The following DAB1 variants were observed in gnomAD, a reference collection of about 807,000 sequenced individuals.
The protein encoded by DAB1 is DAB adaptor protein 1, also known as disabled homolog 1.
DAB1 carries 15 observed loss-of-function variants against 64.6 expected under a neutral mutation model. The ratio of observed to expected loss-of-function variants is 0.23; its 90% CI spans 0.16 to 0.36. The LOEUF (loss-of-function observed/expected upper bound fraction) is 0.36, where lower values mean the gene tolerates loss of function less well. Ranked by LOEUF, DAB1 falls within the 10% of genes least tolerant of loss-of-function variation. The pLI, the probability that DAB1 is intolerant of heterozygous loss-of-function variation, is 1.00. For missense variants in DAB1, 596 were observed against 706.7 expected (o/e 0.84, Z 1.78); for synonymous variants, 235 against 251.9 (o/e 0.93, Z 0.64).
intron 3 of DAB1, among the ~76,000 whole-genome samples, chr1:58,370,069 C>T (rs1196148807): frequency 1.3e-5 from 2 of 152,092 alleles, no homozygotes; most frequent in African/African-American, 4.8e-5. Flanking sequence ...AGAGATATGC[C>T]TCAGGCAAAT....
At chr1:57,784,155 G>A (rs953164164) in intron 6 of DAB1, among the ~76,000 whole-genome samples, 12 of 152,296 alleles carry the variant, frequency 7.9e-5, no homozygotes, top group East Asian at 3.9e-4. Context: ...GCTTGAGCTC[G>A]AACTGGAGGC....
intron 7 of DAB1, among the ~76,000 whole-genome samples, chr1:57,577,379 T>C (rs1645262432): frequency 1.3e-5 from 2 of 151,426 alleles, no homozygotes; most frequent in Non-Finnish European, 2.9e-5. Context: ...CTGGGACCTC[T>C]AACCCTCGTG....
intron 1 of DAB1, among the ~76,000 whole-genome samples, chr1:57,354,261 T>C (rs933893528): frequency 2.0e-5 from 3 of 152,118 alleles, no homozygotes; most frequent in African/African-American, 7.2e-5. Context: ...CTGACATTCC[T>C]AGCATCATAT....
chr1:58,516,359 G>C (rs1557449254), intron 2 of DAB1, among the ~76,000 whole-genome samples: 1 of 152,148 alleles, frequency 6.6e-6, no homozygotes, highest in Non-Finnish European at 1.5e-5. Context: ...ACTGCAAAGT[G>C]TCAAAAGCTC....
chr1:58,316,403 AGAG>A (rs1288790194), intron 4 of DAB1, among the ~76,000 whole-genome samples: 1 of 152,194 alleles, frequency 6.6e-6, no homozygotes, highest in Non-Finnish European at 1.5e-5. Context: ...GCAAGGAAAC[AGAG>A]TCTAAGTTCA....
chr1:58,179,037 G>A (rs545522396), intron 4 of DAB1, among the ~76,000 whole-genome samples: 1 of 152,224 alleles, frequency 6.6e-6, no homozygotes, highest in East Asian at 1.9e-4. Context: ...AGTTTTTGTA[G>A]TAAATGGGTG....
At chr1:57,158,021 T>A (rs962377109) in intron 2 of DAB1, among the ~76,000 whole-genome samples, 1 of 152,188 alleles carries the variant, frequency 6.6e-6, no homozygotes, top group African/African-American at 2.4e-5. Context: ...CACATTTAAA[T>A]CACGGTATGC....
intron 12 of DAB1, 29 bp from the exon 13 acceptor site, chr1:57,011,301 T>C (rs1250966520): frequency 1.2e-6 from 2 of 1,606,256 alleles, no homozygotes; most frequent in African/African-American, 2.7e-5. Flanking sequence ...AAAAGAGACA[T>C]CTTAAGTGCC....
At chr1:57,801,761 G>A (rs560396767) in intron 6 of DAB1, among the ~76,000 whole-genome samples, 7 of 152,058 alleles carry the variant, frequency 4.6e-5, no homozygotes, top group African/African-American at 1.7e-4. Context: ...GGGTTCAGGC[G>A]ATCCTCCGGC....
chr1:57,709,199 C>A (rs1384343884), intron 6 of DAB1, among the ~76,000 whole-genome samples: 1 of 152,034 alleles, frequency 6.6e-6, no homozygotes, highest in Non-Finnish European at 1.5e-5. Context: ...CCTTATTTCT[C>A]TTTGTGAACT....
chr1:57,457,679 A>G (rs1303190569), intron 7 of DAB1, among the ~76,000 whole-genome samples: 1 of 152,142 alleles, frequency 6.6e-6, no homozygotes, highest in Non-Finnish European at 1.5e-5. Context: ...AAGTGGTAAA[A>G]GAACAGAACT....
chr1:58,234,442 G>A (rs1452060893), intron 4 of DAB1, among the ~76,000 whole-genome samples: 1 of 152,194 alleles, frequency 6.6e-6, no homozygotes, highest in African/African-American at 2.4e-5. Context: ...CACACTGAGT[G>A]GGAAACAGCC....
chr1:58,476,683 G>T (rs564271750), intron 3 of DAB1, among the ~76,000 whole-genome samples: 1 of 152,310 alleles, frequency 6.6e-6, no homozygotes, highest in South Asian at 2.1e-4. Context: ...GTGATTAACA[G>T]AAATTTCATC....
chr1:58,428,755 G>C (rs1429414284), intron 3 of DAB1, among the ~76,000 whole-genome samples: 1 of 152,312 alleles, frequency 6.6e-6, no homozygotes, highest in Non-Finnish European at 1.5e-5. Context: ...GAGTGCTAGA[G>C]CATGTACATT....
At chr1:57,842,487 C>A (rs143579411) in intron 1 of DAB1, among the ~76,000 whole-genome samples, 2 of 152,166 alleles carry the variant, frequency 1.3e-5, no homozygotes, top group Admixed American at 6.5e-5. Context: ...TCCATTTTTA[C>A]ACTGCTACAA....
intron 1 of DAB1, among the ~76,000 whole-genome samples, chr1:57,319,747 G>A (rs1263665069): frequency 5.9e-5 from 9 of 151,992 alleles, no homozygotes; most frequent in African/African-American, 9.7e-5. Context: ...GGCAAAATAC[G>A]AATAAACAGA....
At chr1:57,165,601 A>C (rs1438840695) in intron 2 of DAB1, among the ~76,000 whole-genome samples, 2 of 152,224 alleles carry the variant, frequency 1.3e-5, no homozygotes, top group African/African-American at 4.8e-5. Context: ...TTTCACATAC[A>C]TTACTTTTCA....
chr1:57,911,575 C>A (rs1644645239), intron 5 of DAB1, among the ~76,000 whole-genome samples: 1 of 152,160 alleles, frequency 6.6e-6, no homozygotes, highest in South Asian at 2.1e-4. Context: ...CCAAGTGGCA[C>A]CCCATCGGAC....
intron 5 of DAB1, among the ~76,000 whole-genome samples, chr1:58,141,125 C>T (rs1303149333): frequency 2.6e-5 from 4 of 151,692 alleles, no homozygotes; most frequent in Admixed American, 2.0e-4. Flanking sequence ...AGAGCAAGAG[C>T]GAGAGAGAGA....
Sources: gnomAD v4.1 joint callset for allele counts (sites outside exome capture counted in the v4.1 genomes callset) on GRCh38, gnomAD v4.1.1 for gene constraint, MANE v1.5 for transcripts, NCBI Gene and HGNC (gene_info 2026-07-23, HGNC 2026-07-21) for gene names.